USO1: variants seen among roughly 807,000 people sequenced by gnomAD.
The protein encoded by USO1 is general vesicular transport factor p115.
Under a neutral mutation model 124.5 loss-of-function variants are expected in USO1, and 57 were observed. The ratio of observed to expected loss-of-function variants is 0.46; its 90% CI spans 0.37 to 0.57. The LOEUF (loss-of-function observed/expected upper bound fraction) is 0.57. Ranked by LOEUF, USO1 falls within the 20% of genes least tolerant of loss-of-function variation. The pLI is 0.00. For synonymous variants in USO1, 369 were observed against 362.8 expected (o/e 1.02, Z -0.19); for missense variants, 900 against 1,040.6 (o/e 0.86, Z 1.86).
intron 1 of USO1, among the ~76,000 whole-genome samples, chr4:75,742,189 C>T (rs1460643639): frequency 6.6e-6 from 1 of 152,168 alleles, no homozygotes; most frequent in African/African-American, 2.4e-5. Flanking sequence ...AAGTAACAGT[C>T]ATTTGTTACT....
chr4:75,809,097 T>C, intron 21 of USO1, 46 bp downstream of exon 21: 5 of 1,525,376 alleles, frequency 3.3e-6, no homozygotes, highest in Non-Finnish European at 4.4e-6. Context: ...AAGACAAGGT[T>C]GATGTATTAT....
intron 9 of USO1, among the ~76,000 whole-genome samples, 198 bp from the exon 10 acceptor site, chr4:75,786,864 C>A (rs984821882): frequency 2.6e-5 from 4 of 152,144 alleles, no homozygotes; most frequent in Admixed American, 6.6e-5. Context: ...AAGAAGACAA[C>A]CTTAAGTTTA....
At chr4:75,746,853 T>C (rs552386418) in intron 1 of USO1, among the ~76,000 whole-genome samples, 33 of 152,298 alleles carry the variant, frequency 2.2e-4, no homozygotes, top group Non-Finnish European at 4.1e-4. Flanking sequence ...AGTAGCAAAT[T>C]TAAATCTGCA....
chr4:75,724,982 A>C, intron 1 of USO1, 97 bp downstream of exon 1: 4 of 1,356,838 alleles, frequency 2.9e-6, no homozygotes, highest in Non-Finnish European at 3.1e-6. Context: ...GCGTCCCACC[A>C]TGGAGGGGGC....
At chr4:75,755,527 C>G (rs758155591) in intron 3 of USO1, 1 of 514,814 alleles carries the variant, frequency 1.9e-6, no homozygotes, top group Non-Finnish European at 3.9e-6. Flanking sequence ...CCTGTCTAAT[C>G]TCGTAGACTC....
intron 23 of USO1, 71 bp from the exon 24 acceptor site, chr4:75,813,135 G>GTA: frequency 2.0e-6 from 3 of 1,492,434 alleles, no homozygotes; most frequent in Non-Finnish European, 2.7e-6. Context: ...ATTATCAGTA[G>GTA]TATATATTGT....
Position 75,754,530 on chromosome 4 carries a change from G to T in USO1, c.218+1926G>T, listed in dbSNP as rs1159150556. On this transcript the variant is annotated intron_variant, in intron 3 of 23. Coordinates refer to ENST00000514213, the MANE Select transcript of USO1 (RefSeq NM_003715.4). ...TCTACTCTACCAAGATCTCTCATAAGCCTCTCAAATTCAAAATGTTCAAAG... is the reference window on the plus strand; with the variant it reads ...TCTACTCTACCAAGATCTCTCATAATCCTCTCAAATTCAAAATGTTCAAAG... Among the ~76,000 whole-genome samples the T allele has an allele frequency of 6.6e-5, 10 of 152,170 alleles. No individual in the cohort carries two copies. In the East Asian group the frequency reaches 1.9e-3, roughly 29 times the overall value.
chr4:75,808,739 A>ATTTTT (rs10683487), intron 20 of USO1, among the ~76,000 whole-genome samples: 4 of 141,630 alleles, frequency 2.8e-5, no homozygotes, highest in Non-Finnish European at 3.0e-5. Flanking sequence ...GTCTTTTATG[A>ATTTTT]TTTTTTTTTT....
chr4:75,751,459 G>A (rs1281358923), intron 1 of USO1, among the ~76,000 whole-genome samples: 5 of 148,276 alleles, frequency 3.4e-5, no homozygotes, highest in South Asian at 2.1e-4. Flanking sequence ...TGATCCACCC[G>A]CCTCGGCCTC....
chr4:75,779,728 C>T (rs1488665839), intron 8 of USO1, among the ~76,000 whole-genome samples: 1 of 152,150 alleles, frequency 6.6e-6, no homozygotes, highest in Non-Finnish European at 1.5e-5. Flanking sequence ...AAGCTGTCTC[C>T]CTAACAAAAG....
At chr4:75,758,153 T>C (rs904978843) in intron 4 of USO1, among the ~76,000 whole-genome samples, 2 of 152,196 alleles carry the variant, frequency 1.3e-5, no homozygotes, top group Non-Finnish European at 2.9e-5. Context: ...TTATCTGTCT[T>C]ATTTATTGTC....
At chr4:75,767,295 A>G (rs1220670364) in intron 4 of USO1, among the ~76,000 whole-genome samples, 2 of 152,234 alleles carry the variant, frequency 1.3e-5, no homozygotes, top group African/African-American at 4.8e-5. Context: ...TCATCATTGT[A>G]TATTCAGATA....
chr4:75,757,025 G>A (rs1721466582), intron 3 of USO1, among the ~76,000 whole-genome samples: 1 of 151,602 alleles, frequency 6.6e-6, no homozygotes. Flanking sequence ...AGTTTTGCTG[G>A]TTTTAAAGTT....
intron 1 of USO1, among the ~76,000 whole-genome samples, chr4:75,727,706 G>C (rs990407505): frequency 2.6e-5 from 4 of 152,058 alleles, no homozygotes; most frequent in Admixed American, 2.0e-4. Flanking sequence ...TTATTTTGTA[G>C]TTTTTTCCAT....
chr4:75,739,056 G>C lies in USO1; in HGVS notation c.67-13317G>C, dbSNP rs1720879522. On this transcript the variant is annotated intron_variant, in intron 1 of 23. Transcript: ENST00000514213. ...TTTAGTAGAGACAGGGTTTCACCAGGTTCGCCAGGCTGGTCTCAAACTCCT... is the reference window on the plus strand; with the variant it reads ...TTTAGTAGAGACAGGGTTTCACCAGCTTCGCCAGGCTGGTCTCAAACTCCT... Among the ~76,000 whole-genome samples the C allele has an allele frequency of 2.0e-5, 3 of 152,124 alleles. No individual in the cohort carries two copies. The South Asian group carries it at 6.2e-4, about 32-fold the overall frequency.
chr4:75,810,506 G>A lies in USO1; in HGVS notation c.2550G>A (p.Leu850=), dbSNP rs749517365. ...ATKTTDVEGR[L]SALLQETKEL... is the part of the protein sequence containing the mutation. Reference sequence around the variant, plus strand: ...AAACTACTGATGTAGAAGGAAGACTGTCAGCATTATTACAAGAGACCAAAG... The same window carrying A: ...AAACTACTGATGTAGAAGGAAGACTATCAGCATTATTACAAGAGACCAAAG... Residue 850 remains leucine (L), a synonymous_variant, in exon 22 of 24, where the codon CTG becomes CTA. Transcript: ENST00000514213. 40 of 1,612,762 alleles carry A rather than the reference G, an allele frequency of 2.5e-5. No homozygotes were observed. The highest frequency in any genetic ancestry group is 2.9e-5 in the Non-Finnish European group (34 of 1,179,480).
At chr4:75,731,902 T>A (rs540983259) in intron 1 of USO1, among the ~76,000 whole-genome samples, 12 of 152,252 alleles carry the variant, frequency 7.9e-5, no homozygotes, top group Non-Finnish European at 1.8e-4. Flanking sequence ...ATTACACTAG[T>A]GTCCTTTAAT....
At chr4:75,727,827 TA>T (rs1720507932) in intron 1 of USO1, among the ~76,000 whole-genome samples, 1 of 152,212 alleles carries the variant, frequency 6.6e-6, no homozygotes, top group African/African-American at 2.4e-5. Flanking sequence ...ACCTGTTATT[TA>T]AATTCATCAT....
Position 75,728,388 on chromosome 4 carries a change from C to T in USO1, c.66+3503C>T, listed in dbSNP as rs148473247. Among the ~76,000 whole-genome samples the T allele has an allele frequency of 2.6e-3, 389 of 152,258 alleles. 2 individuals are homozygous for T. Among genetic ancestry groups the T allele is most frequent in the Middle Eastern group, 6.8e-3 (2 of 294 alleles). The stretch of plus-strand genomic sequence containing the variant: ...CTATAATCCCAGCACTTTGGGAGGC[C>T]AAGGCAGATGGAGCACTTGAGGTCA... On this transcript the variant is annotated intron_variant, in intron 1 of 23. Transcript: ENST00000514213.
Sources: allele counts gnomAD v4.1 joint callset (sites outside exome capture counted in the v4.1 genomes callset), GRCh38; gene constraint gnomAD v4.1.1; transcripts MANE v1.5; gene names NCBI Gene and HGNC (gene_info 2026-07-23, HGNC 2026-07-21).